The following NALF1 variants were observed in gnomAD, a reference collection of about 807,000 sequenced individuals.
The protein encoded by NALF1 is family with sequence similarity 155 member A.
A neutral mutation model predicts 48.4 loss-of-function variants in NALF1; 3 were observed. The observed-to-expected ratio is 0.06, with a 90% CI of 0.03 to 0.16. The LOEUF (loss-of-function observed/expected upper bound fraction) is 0.16. NALF1 is among the 10% of genes least tolerant of loss of function. The pLI is 1.00. For synonymous variants in NALF1, 262 were observed against 245.7 expected, an observed-to-expected ratio of 1.07 and a Z score of -0.62; for missense variants, 526 against 571.5, an observed-to-expected ratio of 0.92 and a Z score of 0.81.
At chr13:107,226,148 C>T (rs920631810) in intron 1 of NALF1, among the ~76,000 whole-genome samples, 1 of 152,022 alleles carries the variant, frequency 6.6e-6, no homozygotes, top group Non-Finnish European at 1.5e-5. Context: ...ACACACACCA[C>T]TACCTAAACA....
intron 1 of NALF1, among the ~76,000 whole-genome samples, chr13:107,755,089 T>C (rs1043895072): frequency 3.3e-5 from 5 of 152,222 alleles, no homozygotes; most frequent in Admixed American, 1.3e-4. Flanking sequence ...TGCAAAGGCA[T>C]AAGGAGTTAA....
In NALF1 at chr13:107,866,773, T is replaced by A; in HGVS notation, c.-177A>T. The A allele has an allele frequency of 1.7e-6, 1 of 596,488 alleles. No homozygotes were observed. Among genetic ancestry groups the A allele is most frequent in the Non-Finnish European group, 3.0e-6 (1 of 338,384 alleles). The allele number at this position is 596,488 out of a possible 1,614,324, so 36.9% of individuals were successfully genotyped here. On this transcript the variant is annotated 5_prime_UTR_variant, in exon 1 of 3. Transcript: ENST00000375915. This position sits in a 1 kb window ranked among gnomAD's most constrained non-coding sequence, Gnocchi z 4.4. ...CCTCTCTCCTCTCTCTCTCTCTCCC[T>A]CTCCCTCTCTTTTATCTCTCTCTGT...
chr13:107,640,259 C>A (rs1880114107), intron 1 of NALF1, among the ~76,000 whole-genome samples: 1 of 152,084 alleles, frequency 6.6e-6, no homozygotes, highest in South Asian at 2.1e-4. Flanking sequence ...GTCAGAGGAA[C>A]AAAATAAAAA....
chr13:107,204,861 A>G (rs1178007578), intron 2 of NALF1, among the ~76,000 whole-genome samples: 1 of 152,132 alleles, frequency 6.6e-6, no homozygotes, highest in African/African-American at 2.4e-5. Flanking sequence ...CAGAGAAAAA[A>G]AAACCTGATT....
At chr13:107,213,077 C>T (rs1012258027) in intron 1 of NALF1, among the ~76,000 whole-genome samples, 5 of 152,078 alleles carry the variant, frequency 3.3e-5, no homozygotes, top group African/African-American at 7.2e-5. Context: ...CTCTCGCAGA[C>T]GGTGGGGCGT....
intron 1 of NALF1, among the ~76,000 whole-genome samples, chr13:107,799,221 G>C (rs1878526118): frequency 6.6e-6 from 1 of 152,096 alleles, no homozygotes; most frequent in African/African-American, 2.4e-5. Context: ...AGCTCTGTAG[G>C]GATATGAAAG....
rs56340741 is a variant in NALF1 at position 107,465,313 on chromosome 13, TTA to T, written c.916-254560_916-254559del. Among the ~76,000 whole-genome samples the T allele has an allele frequency of 2.4e-3, 366 of 149,688 alleles. 5 individuals are homozygous for T. Among genetic ancestry groups the T allele is most frequent in the East Asian group, 9.3e-3 (47 of 5,068 alleles). On this transcript the variant is annotated intron_variant, in intron 1 of 2. Transcript: ENST00000375915. ...ATATACTACGAATCAAACTGTATAA[TTA>T]TATATATATATATATATATGTCTCT...
intron 1 of NALF1, among the ~76,000 whole-genome samples, chr13:107,293,020 G>T (rs964144319): frequency 1.1e-5 from 1 of 95,076 alleles, no homozygotes. Flanking sequence ...GAGCTCTGTC[G>T]CCCAGGCTGG....
intron 1 of NALF1, among the ~76,000 whole-genome samples, chr13:107,681,888 T>G (rs1461984768): frequency 1.3e-5 from 2 of 152,164 alleles, no homozygotes; most frequent in Non-Finnish European, 2.9e-5. Flanking sequence ...GGCCTCGTTA[T>G]TCCTCCTCCT....
At chr13:107,733,441 T>C (rs918785636) in intron 1 of NALF1, among the ~76,000 whole-genome samples, 2 of 152,194 alleles carry the variant, frequency 1.3e-5, no homozygotes, top group African/African-American at 2.4e-5. Flanking sequence ...TTTCTTCTTT[T>C]GGAATTTCTA....
intron 1 of NALF1, among the ~76,000 whole-genome samples, chr13:107,480,881 A>G (rs940536596): frequency 6.6e-6 from 1 of 152,214 alleles, no homozygotes; most frequent in African/African-American, 2.4e-5. Context: ...AATTTTAAAC[A>G]AAACATACTG....
At chr13:107,332,727 T>C (rs1183468509) in intron 1 of NALF1, among the ~76,000 whole-genome samples, 1 of 152,256 alleles carries the variant, frequency 6.6e-6, no homozygotes, top group Admixed American at 6.5e-5. Flanking sequence ...TGTGAACACC[T>C]AGTAGTGGAT....
rs1489757187 is a variant in NALF1 at position 107,867,150 on chromosome 13, TCTC to T, written c.-557_-555del. On this transcript the variant is annotated 5_prime_UTR_variant, in exon 1 of 3. Transcript: ENST00000375915. The surrounding 1 kb of genome is among the most constrained non-coding windows in gnomAD (Gnocchi z 4.4). ...CTCCTCCTCCTCCTCCTCCTCTTCT[TCTC>T]CTCCTCTTCCTCCTCCTTCCTTTCC... Among the ~76,000 whole-genome samples, 2 of 150,868 alleles carry T rather than the reference TCTC, an allele frequency of 1.3e-5. No homozygotes were observed. Among genetic ancestry groups the T allele is most frequent in the East Asian group, 4.0e-4 (2 of 5,062 alleles).
chr13:107,641,341 C>A (rs2138458624), intron 1 of NALF1, among the ~76,000 whole-genome samples: 1 of 152,210 alleles, frequency 6.6e-6, no homozygotes, highest in East Asian at 1.9e-4. Flanking sequence ...TATTCAACAG[C>A]ACAGTAGAGA....
At chr13:107,341,348 G>A (rs184632943) in intron 1 of NALF1, among the ~76,000 whole-genome samples, 3 of 152,020 alleles carry the variant, frequency 2.0e-5, no homozygotes, top group African/African-American at 4.8e-5. Context: ...CAAAGTAACC[G>A]AAATACCCTG....
At chr13:107,862,229 C>A (rs1880590144) in intron 1 of NALF1, among the ~76,000 whole-genome samples, 1 of 151,982 alleles carries the variant, frequency 6.6e-6, no homozygotes, top group Admixed American at 6.6e-5. Context: ...GTTTATATCC[C>A]ATAAATTCCT....
At chr13:107,832,622 G>C (rs1879773591) in intron 1 of NALF1, among the ~76,000 whole-genome samples, 1 of 152,124 alleles carries the variant, frequency 6.6e-6, no homozygotes, top group Non-Finnish European at 1.5e-5. Flanking sequence ...CATTGGAAGG[G>C]TCAGGGTCCT....
chr13:107,176,599 G>A (rs182365101), intron 2 of NALF1, among the ~76,000 whole-genome samples: 295 of 151,768 alleles, frequency 1.9e-3, no homozygotes, highest in African/African-American at 6.7e-3. Context: ...CCGAGATGGC[G>A]CCACTGCACT....
At chr13:107,361,562 A>C (rs900416951) in intron 1 of NALF1, among the ~76,000 whole-genome samples, 5 of 152,318 alleles carry the variant, frequency 3.3e-5, no homozygotes, top group African/African-American at 1.2e-4. Context: ...GAGGGAGTTA[A>C]AGAACCAGAA....
Sources: allele counts gnomAD v4.1 joint callset (sites outside exome capture counted in the v4.1 genomes callset), GRCh38; gene constraint gnomAD v4.1.1; non-coding constraint Gnocchi (gnomAD v3.1); transcripts MANE v1.5; gene names NCBI Gene and HGNC (gene_info 2026-07-23, HGNC 2026-07-21).